The following WDR12 variants were observed in gnomAD, a reference collection of about 807,000 sequenced individuals.
The protein encoded by WDR12 is ribosome biogenesis protein WDR12.
A neutral mutation model predicts 64.3 loss-of-function variants in WDR12; 42 were observed. The ratio of observed to expected loss-of-function variants is 0.65; its 90% CI spans 0.51 to 0.84. The LOEUF is 0.84. Ranked by LOEUF, WDR12 falls within the 40% of genes least tolerant of loss-of-function variation. WDR12 has a pLI of 0.00. For missense variants in WDR12, 469 were observed against 494.6 expected, an observed-to-expected ratio of 0.95 and a Z score of 0.49; for synonymous variants, 158 against 173.3, an observed-to-expected ratio of 0.91 and a Z score of 0.70.
In WDR12 at chr2:202,877,225, T is replaced by C. The variant is rs1407829960; in HGVS notation, c.*3635A>G. 2.0e-5 allele frequency: 3 copies of C among 152,074 alleles called. No individual in the cohort carries two copies. In the South Asian group the frequency reaches 6.2e-4, roughly 31 times the overall value. The allele number at this position is 152,074 out of a possible 1,614,324, so 9.4% of individuals were successfully genotyped here. A position where few individuals can be genotyped will look rare whatever the true frequency, so the allele number is the denominator to read the frequency against. On this transcript the variant is annotated 3_prime_UTR_variant, in exon 13 of 13. Coordinates refer to ENST00000261015, the MANE Select transcript of WDR12 (RefSeq NM_018256.4). ...TAGGAAGCATTCTGATATATTATTA[T>C]GCATTGTTGACAACAGTTCCAAAAT...
At chr2:202,903,166 A>T (rs1037399139) in intron 2 of WDR12, among the ~76,000 whole-genome samples, 5 of 152,220 alleles carry the variant, frequency 3.3e-5, no homozygotes, top group African/African-American at 1.2e-4. Context: ...TAATATATAC[A>T]TCATATCAAC....
At chr2:202,885,633 A>G (rs535434022) in intron 8 of WDR12, among the ~76,000 whole-genome samples, 1 of 152,346 alleles carries the variant, frequency 6.6e-6, no homozygotes, top group South Asian at 2.1e-4. Context: ...TTTAAGTCCT[A>G]TTATTTAATC....
chr2:202,911,625 C>G lies in WDR12; in HGVS notation c.-149G>C. The G allele has an allele frequency of 2.7e-6, 2 of 732,498 alleles. No homozygotes were observed. 45.4% of individuals were successfully genotyped at this position (732,498 alleles called of 1,614,324 possible). The stretch of plus-strand genomic sequence containing the variant: ...ACTGCAGTCTAAGCCTGGACTCTGC[C>G]TTCTGCCCTCCGGTCTCCTCTGCAG... On this transcript the variant is annotated 5_prime_UTR_variant, in exon 1 of 13. Coordinates refer to ENST00000261015, the MANE Select transcript of WDR12 (RefSeq NM_018256.4).
chr2:202,894,100 AGGGGG>A (rs1202975510), intron 7 of WDR12, among the ~76,000 whole-genome samples: 2 of 152,124 alleles, frequency 1.3e-5, no homozygotes, highest in Non-Finnish European at 2.9e-5. Context: ...CCTGTAAGTA[AGGGGG>A]TGGTGGGGTA....
chr2:202,903,908 C>T lies in WDR12; in HGVS notation c.137-2789G>A, dbSNP rs371328837. On this transcript the variant is annotated intron_variant, in intron 2 of 12. Transcript: ENST00000261015. ...ATCCCAGAACTTTGGGAGGCTGAGA[C>T]GGGTGGATCACCTGAGGTCAGGAGC... Among the ~76,000 whole-genome samples, 8 of 151,774 alleles carry T rather than the reference C, an allele frequency of 5.3e-5. No individual in the cohort carries two copies. In the East Asian group the frequency reaches 5.8e-4, roughly 11 times the overall value.
rs983364453 is a variant in WDR12 at position 202,878,948 on chromosome 2, T to C, written c.*1912A>G. The C allele has an allele frequency of 6.6e-6, 1 of 152,238 alleles. No homozygotes were observed. Among genetic ancestry groups the C allele is most frequent in the African/African-American group, 2.4e-5 (1 of 41,456 alleles). The allele number at this position is 152,238 out of a possible 1,614,324, so 9.4% of individuals were successfully genotyped here. A position where few individuals can be genotyped will look rare whatever the true frequency, so the allele number is the denominator to read the frequency against. On this transcript the variant is annotated 3_prime_UTR_variant, in exon 13 of 13. Coordinates refer to ENST00000261015, the MANE Select transcript of WDR12 (RefSeq NM_018256.4). Reference sequence around the variant, plus strand: ...ATAAAATCTGTAGAATGTTTAATACTGATGAAAGGTTTTGTCTAAAAAATT... The same window carrying C: ...ATAAAATCTGTAGAATGTTTAATACCGATGAAAGGTTTTGTCTAAAAAATT...
chr2:202,907,602 A>G (rs1688481736), intron 2 of WDR12, among the ~76,000 whole-genome samples: 1 of 152,190 alleles, frequency 6.6e-6, no homozygotes, highest in African/African-American at 2.4e-5. Flanking sequence ...ACAACTTTAT[A>G]CCAAAATCTT....
At position 202,878,106 on chromosome 2, in the gene WDR12, A is replaced by AT. The variant is rs1304641983; in HGVS notation, c.*2753dup. ...TCCAAGAGACTTGGTCACTTACATTATATCTATCTCAAGGAAGAATGCCTG... is the reference window on the plus strand; with the variant it reads ...TCCAAGAGACTTGGTCACTTACATTATTATCTATCTCAAGGAAGAATGCCTG... On this transcript the variant is annotated 3_prime_UTR_variant, in exon 13 of 13. Transcript: ENST00000261015. 2 of 152,186 alleles carry AT rather than the reference A, an allele frequency of 1.3e-5. No individual in the cohort carries two copies. Among genetic ancestry groups the AT allele is most frequent in the Admixed American group, 1.3e-4 (2 of 15,278 alleles). 9.4% of individuals were successfully genotyped at this position (152,186 alleles called of 1,614,324 possible). A position where few individuals can be genotyped will look rare whatever the true frequency, so the allele number is the denominator to read the frequency against.
chr2:202,907,756 A>G, intron 2 of WDR12, 109 bp downstream of exon 2: 2 of 780,956 alleles, frequency 2.6e-6, no homozygotes, highest in Non-Finnish European at 2.1e-6. Context: ...TACAAATTTT[A>G]CCACTACAAA....
At position 202,880,820 on chromosome 2, in the gene WDR12, T is replaced by C. The variant is rs1295535304; in HGVS notation, c.*40A>G. The C allele has an allele frequency of 1.3e-6, 2 of 1,564,402 alleles. No homozygotes were observed. The highest frequency in any genetic ancestry group is 1.8e-5 in the Admixed American group (1 of 56,876). On this transcript the variant is annotated 3_prime_UTR_variant, in exon 13 of 13. Coordinates refer to ENST00000261015, the MANE Select transcript of WDR12 (RefSeq NM_018256.4). Reference sequence around the variant, plus strand: ...ATTTCATGGTTCTCTACCAATTTCATTTACAGAAATAATCTCTATAGTCAA... The same window carrying C: ...ATTTCATGGTTCTCTACCAATTTCACTTACAGAAATAATCTCTATAGTCAA...
chr2:202,889,219 A>G (rs75596676), intron 8 of WDR12, among the ~76,000 whole-genome samples: 5,953 of 152,306 alleles, frequency 0.039, 376 homozygotes, highest in African/African-American at 0.13. Context: ...TATGGGAGCA[A>G]GCTTACGAAA....
intron 4 of WDR12, among the ~76,000 whole-genome samples, chr2:202,899,204 G>A (rs940446897): frequency 9.9e-5 from 15 of 151,532 alleles, no homozygotes; most frequent in Non-Finnish European, 2.1e-4. Flanking sequence ...CACCACGCCC[G>A]GCTAATTTTT....
At position 202,882,802 on chromosome 2, in the gene WDR12, A is replaced by T. The variant is rs973896631; in HGVS notation, c.1122-19T>A. On this transcript the variant is annotated intron_variant, in intron 11 of 12. Coordinates refer to ENST00000261015, the MANE Select transcript of WDR12 (RefSeq NM_018256.4). Reference sequence around the variant, plus strand: ...CTTACAACTAAAAGATGAAAATATTAACATATTATATGCATTCACAGTGTT... The same window carrying T: ...CTTACAACTAAAAGATGAAAATATTTACATATTATATGCATTCACAGTGTT... 4.4e-6 allele frequency: 7 copies of T among 1,607,382 alleles called. No individual in the cohort carries two copies. The highest frequency in any genetic ancestry group is 1.7e-5 in the Admixed American group (1 of 59,990).
chr2:202,905,122 C>A (rs756856182), intron 2 of WDR12, among the ~76,000 whole-genome samples: 2 of 152,316 alleles, frequency 1.3e-5, no homozygotes, highest in South Asian at 4.1e-4. Context: ...AATGAGATAT[C>A]ATTTCACCCC....
intron 8 of WDR12, among the ~76,000 whole-genome samples, chr2:202,887,082 T>C (rs1419097174): frequency 1.3e-5 from 2 of 152,170 alleles, no homozygotes; most frequent in Non-Finnish European, 2.9e-5. Flanking sequence ...TAGAGTGCAA[T>C]GCACAAGCTT....
At chr2:202,891,281 G>C (rs1193296773) in intron 8 of WDR12, among the ~76,000 whole-genome samples, 3 of 152,092 alleles carry the variant, frequency 2.0e-5, no homozygotes, top group Admixed American at 6.6e-5. Flanking sequence ...GGCGTAGCTG[G>C]GACCACAGGT....
rs199595590 is a variant in WDR12, at chr2:202,897,349, T to G, written c.405A>C (p.Thr135=). ...TTACAACATCCGTATGTCCCACAAT[T>G]GTCATTATTGACTTTCCTTCCAAGG... ...IWSLEGKSIM[T]IVGHTDVVKD... is the part of the protein sequence containing the mutation. Residue 135 remains threonine (T), a synonymous_variant, in exon 5 of 13, where the codon ACA becomes ACC. Transcript: ENST00000261015. 1 of 1,599,046 alleles carries G rather than the reference T, an allele frequency of 6.3e-7. No individual in the cohort carries two copies. Among genetic ancestry groups the G allele is most frequent in the East Asian group, 2.3e-5 (1 of 43,180 alleles).
chr2:202,900,427 C>T (rs1688329068), intron 3 of WDR12, among the ~76,000 whole-genome samples: 1 of 151,350 alleles, frequency 6.6e-6, no homozygotes, highest in Admixed American at 6.6e-5. Context: ...GATAAGGAAA[C>T]AATTCTGGAA....
chr2:202,889,457 AG>A (rs1478956221), intron 8 of WDR12, among the ~76,000 whole-genome samples: 19 of 152,302 alleles, frequency 1.2e-4, no homozygotes, highest in African/African-American at 4.6e-4. Flanking sequence ...CAGGAGTTTG[AG>A]ACAGCTCGGG....
Sources: gnomAD v4.1 joint callset for allele counts (sites outside exome capture counted in the v4.1 genomes callset) on GRCh38, gnomAD v4.1.1 for gene constraint, MANE v1.5 for transcripts, NCBI Gene and HGNC (gene_info 2026-07-23, HGNC 2026-07-21) for gene names.